Variants in FAM178B observed in about 807,000 individuals in gnomAD.
The protein encoded by FAM178B is family with sequence similarity 178 member B.
A neutral mutation model predicts 91.7 loss-of-function variants in FAM178B; 82 were observed. The observed-to-expected ratio is 0.89, with a 90% CI of 0.75 to 1.07. The LOEUF (loss-of-function observed/expected upper bound fraction) is 1.07. Among genes scored for constraint, FAM178B ranks in the 50% least tolerant of loss-of-function variants. The pLI is 0.00. For missense variants in FAM178B, 769 were observed against 846.7 expected (o/e 0.91, Z 1.14); for synonymous variants, 368 against 359.4 (o/e 1.02, Z -0.27).
chr2:96,960,300 C>G lies in FAM178B; in HGVS notation c.875G>C (p.Gly292Ala). Residue 292 changes from glycine (G) to alanine (A), a missense_variant, in exon 6 of 17, where the codon GGG becomes GCG. Physicochemically the swap from Gly to Ala is moderately conservative, Grantham distance 60 (BLOSUM62 0). Coordinates refer to ENST00000490605, the MANE Select transcript of FAM178B (RefSeq NM_001122646.3). Reference sequence around the variant, plus strand: ...TCCCCACACTTACCTGAGGAACAGCCCTTCCAGGTGGCTGCGTGGCTTCAG... The same window carrying G: ...TCCCCACACTTACCTGAGGAACAGCGCTTCCAGGTGGCTGCGTGGCTTCAG... ...SLLKPRSHLE[G>A]LFLSSPPAQQ... The G allele has an allele frequency of 6.4e-7, 1 of 1,551,738 alleles. No homozygotes were observed. The highest frequency in any genetic ancestry group is 1.2e-5 in the South Asian group (1 of 84,068).
At chr2:96,939,655 A>C (rs2081693043) in intron 8 of FAM178B, among the ~76,000 whole-genome samples, 1 of 152,214 alleles carries the variant, frequency 6.6e-6, no homozygotes, top group African/African-American at 2.4e-5. Context: ...GAGAGGTCGC[A>C]GCACAGAGAG....
At chr2:96,951,619 C>G (rs941570789) in intron 6 of FAM178B, 135 bp from the exon 7 acceptor site, 3 of 677,318 alleles carry the variant, frequency 4.4e-6, no homozygotes, top group Admixed American at 2.3e-5. Context: ...GACAAATGTG[C>G]TTTTCAAGCC....
chr2:96,922,071 T>G (rs1559074365), intron 10 of FAM178B, among the ~76,000 whole-genome samples: 1 of 152,160 alleles, frequency 6.6e-6, no homozygotes, highest in Non-Finnish European at 1.5e-5. Flanking sequence ...GAGTGATCTC[T>G]GGTCGGCCTC....
chr2:96,889,214 C>G (rs997730131), intron 14 of FAM178B, among the ~76,000 whole-genome samples: 6 of 152,196 alleles, frequency 3.9e-5, no homozygotes, highest in Non-Finnish European at 7.4e-5. Flanking sequence ...CTGGGACCAT[C>G]CCCCTTTGTG....
intron 12 of FAM178B, among the ~76,000 whole-genome samples, chr2:96,906,417 T>C (rs939999393): frequency 6.6e-6 from 1 of 152,040 alleles, no homozygotes. Context: ...GTGCATCGTG[T>C]CTAGCAACCC....
intron 13 of FAM178B, chr2:96,898,195 G>C (rs773527542): frequency 1.1e-4 from 93 of 870,976 alleles, no homozygotes; most frequent in Non-Finnish European, 1.2e-4. Flanking sequence ...GATGAGGAAA[G>C]GGAGGGACGG....
chr2:96,929,136 G>A, intron 9 of FAM178B, 70 bp downstream of exon 9: 3 of 1,117,826 alleles, frequency 2.7e-6, no homozygotes, highest in Non-Finnish European at 4.0e-6. Context: ...CCAGTTCTGA[G>A]TGACAGAGAG....
rs2082231103 is a variant in FAM178B, at chr2:96,972,205, G to A, written c.260C>T (p.Ser87Leu). Residue 87 changes from serine (S) to leucine (L), a missense_variant, in exon 3 of 17, where the codon TCG becomes TTG. By Grantham distance (145) the Ser-to-Leu change is moderately radical (BLOSUM62 -2). Coordinates refer to ENST00000490605, the MANE Select transcript of FAM178B (RefSeq NM_001122646.3). ...CTTTGGCGATGTGGGAGCTGGAGCC[G>A]AGGCAGGGCTGCAGGGCCGCCGGGC... ...CPARRPCSPA[S>L]APAPTSPKKP... 4 of 1,545,372 alleles carry A rather than the reference G, an allele frequency of 2.6e-6. No homozygotes were observed. The highest frequency in any genetic ancestry group is 3.5e-6 in the Non-Finnish European group (4 of 1,144,552).
intron 6 of FAM178B, among the ~76,000 whole-genome samples, chr2:96,957,065 A>T (rs2082009895): frequency 6.6e-6 from 1 of 151,446 alleles, no homozygotes; most frequent in South Asian, 2.1e-4. Context: ...GGGTTTCTCC[A>T]TGTTGGCCAG....
intron 9 of FAM178B, among the ~76,000 whole-genome samples, chr2:96,924,785 G>A (rs2081407210): frequency 6.6e-6 from 1 of 152,244 alleles, no homozygotes; most frequent in Admixed American, 6.5e-5. Flanking sequence ...GGTAAGTGAA[G>A]ATATTGATGA....
At chr2:96,917,595 C>T (rs1005755819) in intron 12 of FAM178B, among the ~76,000 whole-genome samples, 3 of 152,206 alleles carry the variant, frequency 2.0e-5, no homozygotes, top group African/African-American at 4.8e-5. Flanking sequence ...GTGGCTCACA[C>T]CCGTGATCCC....
At chr2:96,895,259 TCAA>T (rs1319828841) in intron 13 of FAM178B, 1 of 444,170 alleles carries the variant, frequency 2.3e-6, no homozygotes, top group African/African-American at 2.1e-5. Context: ...CCTAACAGAA[TCAA>T]CGAGACTTCC....
intron 8 of FAM178B, among the ~76,000 whole-genome samples, chr2:96,931,932 C>T (rs959884017): frequency 2.0e-5 from 3 of 151,420 alleles, no homozygotes; most frequent in Admixed American, 6.6e-5. Context: ...GCCTCACAAA[C>T]GAGCTGGGAA....
In FAM178B at chr2:96,885,954, G is replaced by A. The variant is rs527755437; in HGVS notation, c.1777-7461C>T. 1.7e-4 allele frequency among the ~76,000 whole-genome samples: 26 copies of A among 152,266 alleles called. No homozygotes were observed. The South Asian group carries it at 5.0e-3, about 29-fold the overall frequency. ...GGGGGTCACTGACACCAGCCAGGGC[G>A]TTGCATAACCACCTGACAGAGCAAT... is the stretch of plus-strand genomic sequence containing the variant. On this transcript the variant is annotated intron_variant, in intron 14 of 16. Transcript: ENST00000490605.
intron 1 of FAM178B, chr2:96,977,956 A>AGGGGGGGGGGGGGGGGGGT: frequency 2.9e-6 from 1 of 349,154 alleles, no homozygotes; most frequent in Non-Finnish European, 5.8e-6. Context: ...CGGGCGGGGG[A>AGGGGGGGGGGGGGGGGGGT]GGGGGGCGAC....
rs777775658 is a variant in FAM178B, at chr2:96,878,404, T to G, written c.1854+12A>C. Reference sequence around the variant, plus strand: ...GCACCCCCACCACAGCCCTGCCCCTTGGGAGACTCACCCACTGGTCTGGAG... The same window carrying G: ...GCACCCCCACCACAGCCCTGCCCCTGGGGAGACTCACCCACTGGTCTGGAG... On this transcript the variant is annotated intron_variant, in intron 15 of 16. Coordinates refer to ENST00000490605, the MANE Select transcript of FAM178B (RefSeq NM_001122646.3). The G allele has an allele frequency of 6.1e-5, 99 of 1,613,196 alleles. No homozygotes were observed. Among genetic ancestry groups the G allele is most frequent in the Non-Finnish European group, 8.4e-5 (99 of 1,179,604 alleles).
At chr2:96,941,673 A>T (rs1205640665) in intron 8 of FAM178B, among the ~76,000 whole-genome samples, 1 of 152,232 alleles carries the variant, frequency 6.6e-6, no homozygotes, top group Non-Finnish European at 1.5e-5. Context: ...GGGTCATTCT[A>T]TTTTATTATA....
intron 8 of FAM178B, among the ~76,000 whole-genome samples, chr2:96,933,305 C>A (rs531445375): frequency 6.6e-6 from 1 of 152,176 alleles, no homozygotes; most frequent in South Asian, 2.1e-4. Flanking sequence ...AGACTCTGGG[C>A]TCTGTGTAAG....
At position 96,921,154 on chromosome 2, in the gene FAM178B, G is replaced by A. The variant is rs1387092875; in HGVS notation, c.1562+11C>T. The A allele has an allele frequency of 5.2e-6, 8 of 1,548,946 alleles. No homozygotes were observed. Among genetic ancestry groups the A allele is most frequent in the East Asian group, 4.9e-5 (2 of 40,904 alleles). ...GTGAGAGGGAGGAGGCAGCGGGGGA[G>A]CAGCACGCACCTGCTCCGGGAGGTC... On this transcript the variant is annotated intron_variant, in intron 12 of 16. Coordinates refer to ENST00000490605, the MANE Select transcript of FAM178B (RefSeq NM_001122646.3).
Sources: gnomAD v4.1 joint callset for allele counts (sites outside exome capture counted in the v4.1 genomes callset) on GRCh38, gnomAD v4.1.1 for gene constraint, MANE v1.5 for transcripts, NCBI Gene and HGNC (gene_info 2026-07-23, HGNC 2026-07-21) for gene names.